The following LSAMP variants were observed in gnomAD, a reference collection of about 807,000 sequenced individuals.
The protein encoded by LSAMP is limbic system associated membrane protein, also known as limbic system-associated membrane protein.
In LSAMP, 7 loss-of-function variants were observed where a neutral mutation model predicts 38.6. The ratio of observed to expected loss-of-function variants is 0.18; its 90% CI spans 0.10 to 0.34. LSAMP has a LOEUF of 0.34. LSAMP is among the 10% of genes least tolerant of loss of function. The pLI, the probability that LSAMP is intolerant of heterozygous loss-of-function variation, is 1.00. For synonymous variants in LSAMP, 154 were observed against 166.8 expected (o/e 0.92, Z 0.59); for missense variants, 313 against 420.0 (o/e 0.75, Z 2.23).
At chr3:115,813,149 T>C (rs921861008) in intron 6 of LSAMP, among the ~76,000 whole-genome samples, 3 of 152,134 alleles carry the variant, frequency 2.0e-5, no homozygotes, top group African/African-American at 7.2e-5. Context: ...ATGTTAATAA[T>C]CTTTAATTTT....
intron 1 of LSAMP, among the ~76,000 whole-genome samples, chr3:116,374,797 T>C (rs2048473395): frequency 6.6e-6 from 1 of 151,926 alleles, no homozygotes; most frequent in African/African-American, 2.4e-5. Flanking sequence ...GCTATGCAAC[T>C]GACCCTAGAC....
At chr3:116,329,951 G>C (rs533965249) in intron 1 of LSAMP, among the ~76,000 whole-genome samples, 2 of 152,172 alleles carry the variant, frequency 1.3e-5, no homozygotes, top group African/African-American at 2.4e-5. Flanking sequence ...TATAGTGCTT[G>C]GCATATATCA....
intron 1 of LSAMP, among the ~76,000 whole-genome samples, chr3:116,232,466 T>C (rs767579061): frequency 3.9e-5 from 6 of 152,178 alleles, no homozygotes; most frequent in Admixed American, 2.6e-4. Context: ...CAACCTAAGA[T>C]GTTTAGAGAA....
At chr3:116,085,042 A>G (rs1707957172) in intron 2 of LSAMP, among the ~76,000 whole-genome samples, 1 of 152,272 alleles carries the variant, frequency 6.6e-6, no homozygotes, top group African/African-American at 2.4e-5. Context: ...GCATATTTAC[A>G]TATTTCTAGT....
At chr3:115,954,545 CTCTTTGACACA>C (rs1466437766) in intron 3 of LSAMP, among the ~76,000 whole-genome samples, 2 of 152,302 alleles carry the variant, frequency 1.3e-5, no homozygotes, top group Admixed American at 1.3e-4. Context: ...TGATACATTC[CTCTTTGACACA>C]TCAGCTGCTG....
At chr3:116,071,896 A>G (rs1487422498) in intron 2 of LSAMP, among the ~76,000 whole-genome samples, 1 of 151,554 alleles carries the variant, frequency 6.6e-6, no homozygotes, top group Admixed American at 6.6e-5. Flanking sequence ...AACAGCTTCC[A>G]GGTCCATTCA....
intron 1 of LSAMP, among the ~76,000 whole-genome samples, chr3:116,220,213 C>CACACACACAA (rs1491268690): frequency 2.0e-5 from 3 of 146,882 alleles, no homozygotes; most frequent in Non-Finnish European, 4.5e-5. Context: ...CACACACACA[C>CACACACACAA]AATGAGATAT....
At chr3:115,996,720 T>C (rs1939825344) in intron 3 of LSAMP, among the ~76,000 whole-genome samples, 1 of 152,138 alleles carries the variant, frequency 6.6e-6, no homozygotes, top group Non-Finnish European at 1.5e-5. Context: ...AGTTTTTGTT[T>C]ATCCTTTATT....
chr3:116,115,255 C>T (rs952527645), intron 1 of LSAMP, among the ~76,000 whole-genome samples: 1 of 152,230 alleles, frequency 6.6e-6, no homozygotes, highest in Non-Finnish European at 1.5e-5. Flanking sequence ...ATTTGTTGAG[C>T]GTCTATTTTG....
At chr3:116,153,473 T>G (rs1314526765) in intron 1 of LSAMP, among the ~76,000 whole-genome samples, 1 of 152,150 alleles carries the variant, frequency 6.6e-6, no homozygotes, top group Non-Finnish European at 1.5e-5. Flanking sequence ...TGCTATCTCT[T>G]TAGTAAACTG....
chr3:115,824,614 A>C (rs1934347588), intron 6 of LSAMP, among the ~76,000 whole-genome samples: 1 of 151,886 alleles, frequency 6.6e-6, no homozygotes, highest in Admixed American at 6.6e-5. Context: ...AGGCAGGAGA[A>C]TCGCTGGAAC....
intron 1 of LSAMP, among the ~76,000 whole-genome samples, chr3:116,168,102 T>C (rs1458578160): frequency 6.7e-6 from 1 of 150,256 alleles, no homozygotes; most frequent in East Asian, 1.9e-4. Flanking sequence ...TATTTCAAGA[T>C]ATATTGGTGG....
intron 1 of LSAMP, among the ~76,000 whole-genome samples, chr3:116,389,506 C>T (rs2048666034): frequency 1.3e-5 from 2 of 152,072 alleles, no homozygotes; most frequent in Admixed American, 1.3e-4. Context: ...ATTCCTTGTC[C>T]CTCTAATAAT....
At chr3:115,829,565 T>G (rs1042501890) in intron 6 of LSAMP, among the ~76,000 whole-genome samples, 3 of 152,176 alleles carry the variant, frequency 2.0e-5, no homozygotes, top group Non-Finnish European at 4.4e-5. Context: ...TAGGACATAC[T>G]TTATACCCTT....
intron 1 of LSAMP, among the ~76,000 whole-genome samples, chr3:116,174,920 C>T (rs538522889): frequency 6.6e-6 from 1 of 152,198 alleles, no homozygotes; most frequent in East Asian, 1.9e-4. Flanking sequence ...CATTTCCTAT[C>T]GCCTGTCCTT....
intron 2 of LSAMP, among the ~76,000 whole-genome samples, chr3:116,078,376 G>A (rs1026714379): frequency 1.3e-5 from 2 of 151,196 alleles, no homozygotes; most frequent in African/African-American, 4.9e-5. Flanking sequence ...CCAGGCTGGA[G>A]CGCAGTGGCC....
chr3:116,274,365 A>G (rs2047019063), intron 1 of LSAMP, among the ~76,000 whole-genome samples: 1 of 152,230 alleles, frequency 6.6e-6, no homozygotes, highest in Admixed American at 6.5e-5. Context: ...GGAATACAAA[A>G]GAAACAATGC....
chr3:116,445,297 C>G lies in LSAMP; in HGVS notation c.-266G>C, dbSNP rs1559871129. On this transcript the variant is annotated 5_prime_UTR_variant, in exon 1 of 7. Transcript: ENST00000490035. The stretch of plus-strand genomic sequence containing the variant: ...CAAAAGAGAGAGTGCAAATAGCAAG[C>G]CCTCTGGAAGAGCTGAAGAGGAAGC... 13 of 579,926 alleles carry G rather than the reference C, an allele frequency of 2.2e-5. No homozygotes were observed. In the South Asian group the frequency reaches 2.7e-4, roughly 12 times the overall value. The allele number at this position is 579,926 out of a possible 1,614,324, so 35.9% of individuals were successfully genotyped here.
At chr3:116,443,547 G>GT (rs1280937990) in intron 1 of LSAMP, among the ~76,000 whole-genome samples, 2 of 152,130 alleles carry the variant, frequency 1.3e-5, no homozygotes, top group Non-Finnish European at 2.9e-5. Context: ...GCAGGACACT[G>GT]TGACAGCCAA....
Sources: gnomAD v4.1 joint callset for allele counts (sites outside exome capture counted in the v4.1 genomes callset) on GRCh38, gnomAD v4.1.1 for gene constraint, MANE v1.5 for transcripts, NCBI Gene and HGNC (gene_info 2026-07-23, HGNC 2026-07-21) for gene names.